The following ROBO2 variants were observed in gnomAD, a reference collection of about 807,000 sequenced individuals.
ROBO2 encodes roundabout homolog 2.
Under a neutral mutation model 160.8 loss-of-function variants are expected in ROBO2, and 53 were observed. The ratio of observed to expected loss-of-function variants is 0.33; its 90% CI spans 0.26 to 0.41. ROBO2 has a LOEUF of 0.41. Among genes scored for constraint, ROBO2 ranks in the 10% least tolerant of loss-of-function variants. The pLI, the probability that ROBO2 is intolerant of heterozygous loss-of-function variation, is 1.00. For missense variants in ROBO2, 1,577 were observed against 1,722.4 expected, an observed-to-expected ratio of 0.92 and a Z score of 1.49; for synonymous variants, 664 against 611.7, an observed-to-expected ratio of 1.09 and a Z score of -1.26.
At chr3:76,772,421 C>T (rs762913376) in intron 2 of ROBO2, among the ~76,000 whole-genome samples, 14 of 148,428 alleles carry the variant, frequency 9.4e-5, no homozygotes, top group East Asian at 2.0e-4. Context: ...TATGCACACA[C>T]ACATATATGT....
intron 2 of ROBO2, among the ~76,000 whole-genome samples, chr3:76,081,513 A>G (rs2068829168): frequency 6.6e-6 from 1 of 152,088 alleles, no homozygotes; most frequent in African/African-American, 2.4e-5. Context: ...ATCCTTCCCT[A>G]TTTTTCAACA....
chr3:76,550,680 G>A (rs887730382), intron 2 of ROBO2, among the ~76,000 whole-genome samples: 2 of 152,210 alleles, frequency 1.3e-5, no homozygotes, highest in Non-Finnish European at 2.9e-5. Context: ...GCTCAGAAGT[G>A]CCTGCTCCCA....
At chr3:76,565,892 T>C (rs1326736959) in intron 2 of ROBO2, among the ~76,000 whole-genome samples, 2 of 152,146 alleles carry the variant, frequency 1.3e-5, no homozygotes, top group Non-Finnish European at 2.9e-5. Context: ...TTCACTGTAA[T>C]CTCAGGTCAT....
At chr3:77,399,607 G>T (rs2075609966) in intron 2 of ROBO2, among the ~76,000 whole-genome samples, 1 of 152,012 alleles carries the variant, frequency 6.6e-6, no homozygotes, top group South Asian at 2.1e-4. Context: ...CATGTGGTTA[G>T]ACCATATATC....
intron 2 of ROBO2, among the ~76,000 whole-genome samples, chr3:76,591,589 G>A (rs1010907977): frequency 2.0e-5 from 3 of 151,984 alleles, no homozygotes; most frequent in African/African-American, 7.2e-5. Flanking sequence ...ATAAACTCAG[G>A]TTAAAAACTC....
At chr3:75,956,299 A>G (rs1265347931) in intron 2 of ROBO2, among the ~76,000 whole-genome samples, 3 of 151,642 alleles carry the variant, frequency 2.0e-5, no homozygotes, top group Non-Finnish European at 4.4e-5. Flanking sequence ...TAGTAGCTAT[A>G]TTGCTGGGAT....
intron 2 of ROBO2, among the ~76,000 whole-genome samples, chr3:76,091,425 C>A (rs1280506895): frequency 6.6e-6 from 1 of 152,102 alleles, no homozygotes; most frequent in Non-Finnish European, 1.5e-5. Context: ...ACTGACACCA[C>A]CAAATGCTGA....
intron 1 of ROBO2, among the ~76,000 whole-genome samples, chr3:77,072,702 A>G (rs565586500): frequency 6.6e-6 from 1 of 152,318 alleles, no homozygotes; most frequent in Non-Finnish European, 1.5e-5. Context: ...TTTGTTTGCA[A>G]GTATATACCC....
chr3:76,105,903 A>C (rs948468888), intron 2 of ROBO2, among the ~76,000 whole-genome samples: 3 of 152,160 alleles, frequency 2.0e-5, no homozygotes, highest in Non-Finnish European at 4.4e-5. Flanking sequence ...ATTATCACCT[A>C]CTTCCAATAG....
At chr3:75,920,893 C>T (rs1169034733) in intron 1 of ROBO2, among the ~76,000 whole-genome samples, 2 of 150,896 alleles carry the variant, frequency 1.3e-5, no homozygotes, top group Non-Finnish European at 3.0e-5. Context: ...GTAAATATTC[C>T]TTCATCCCTT....
intron 2 of ROBO2, among the ~76,000 whole-genome samples, chr3:76,223,001 C>T (rs912138773): frequency 2.0e-5 from 3 of 151,990 alleles, no homozygotes; most frequent in Middle Eastern, 3.4e-3. Flanking sequence ...GTTATCTGCC[C>T]GCCTCAGCCT....
At chr3:77,295,686 C>T (rs1482710199) in intron 2 of ROBO2, among the ~76,000 whole-genome samples, 3 of 139,538 alleles carry the variant, frequency 2.1e-5, no homozygotes, top group African/African-American at 5.4e-5. Flanking sequence ...GATGGTTAAA[C>T]GGGAAGTTGA....
intron 2 of ROBO2, among the ~76,000 whole-genome samples, chr3:76,375,893 T>G (rs1218756139): frequency 6.6e-6 from 1 of 152,102 alleles, no homozygotes; most frequent in Non-Finnish European, 1.5e-5. Flanking sequence ...AACATTTTTA[T>G]CTAGTGTAGC....
intron 6 of ROBO2, 60 bp downstream of exon 6, chr3:77,522,962 G>T (rs1368925670): frequency 7.6e-6 from 12 of 1,587,254 alleles, no homozygotes; most frequent in Admixed American, 1.7e-5. Context: ...GGTTAAATTG[G>T]TAAGTGAACT....
At chr3:77,480,326 A>G (rs2084538200) in intron 3 of ROBO2, among the ~76,000 whole-genome samples, 1 of 152,044 alleles carries the variant, frequency 6.6e-6, no homozygotes, top group Non-Finnish European at 1.5e-5. Context: ...TGGAAAAGAA[A>G]CTATGAGTTA....
At chr3:77,532,684 A>C (rs774426079) in intron 6 of ROBO2, among the ~76,000 whole-genome samples, 35 of 151,742 alleles carry the variant, frequency 2.3e-4, no homozygotes, top group Non-Finnish European at 4.4e-4. Flanking sequence ...TTAAAATTGC[A>C]ATCATTATAT....
intron 2 of ROBO2, among the ~76,000 whole-genome samples, chr3:76,580,342 G>GGTTTTTTTTTTT (rs1553812372): frequency 2.2e-5 from 2 of 90,560 alleles, no homozygotes; most frequent in Admixed American, 1.4e-4. Context: ...TTTTTTTTGT[G>GGTTTTTTTTTTT]TTTTTTTTTT....
chr3:77,213,334 C>T (rs1297987178), intron 2 of ROBO2, among the ~76,000 whole-genome samples: 1 of 152,148 alleles, frequency 6.6e-6, no homozygotes, highest in African/African-American at 2.4e-5. Flanking sequence ...GGAATTTATA[C>T]ATTTCTTCTA....
At chr3:76,902,095 T>C (rs1020596792) in intron 2 of ROBO2, among the ~76,000 whole-genome samples, 1 of 152,008 alleles carries the variant, frequency 6.6e-6, no homozygotes, top group African/African-American at 2.4e-5. Flanking sequence ...AATATGAACA[T>C]TTATCTTAAT....
Sources: allele counts gnomAD v4.1 joint callset (sites outside exome capture counted in the v4.1 genomes callset), GRCh38; gene constraint gnomAD v4.1.1; transcripts MANE v1.5; gene names NCBI Gene and HGNC (gene_info 2026-07-23, HGNC 2026-07-21).